The following MTUS1 variants were observed in gnomAD, a reference collection of about 807,000 sequenced individuals.
MTUS1 encodes the protein microtubule-associated tumor suppressor 1.
Under a neutral mutation model 120.8 loss-of-function variants are expected in MTUS1, and 109 were observed. The observed-to-expected ratio is 0.90, with a 90% CI of 0.77 to 1.06. The LOEUF (loss-of-function observed/expected upper bound fraction) is 1.06. MTUS1 is among the 50% of genes least tolerant of loss of function. MTUS1 has a pLI of 0.00. For synonymous variants in MTUS1, 737 were observed against 550.5 expected (o/e 1.34, Z -4.74); for missense variants, 2,210 against 1,486.3 (o/e 1.49, Z -8.01).
chr8:17,674,724 T>C, intron 8 of MTUS1: 2 of 995,568 alleles, frequency 2.0e-6, no homozygotes, highest in Non-Finnish European at 2.4e-6. Flanking sequence ...AGAACGTGCC[T>C]TTTTCAGCCA....
intron 1 of MTUS1, among the ~76,000 whole-genome samples, chr8:17,781,511 T>A (rs1242046781): frequency 1.3e-5 from 2 of 152,228 alleles, no homozygotes; most frequent in Non-Finnish European, 2.9e-5. Context: ...TGATTAATAT[T>A]AAACACAAGA....
chr8:17,797,937 C>T (rs531462823), intron 1 of MTUS1, among the ~76,000 whole-genome samples: 1 of 152,106 alleles, frequency 6.6e-6, no homozygotes, highest in East Asian at 1.9e-4. Context: ...CCCCGCCCCC[C>T]CAAATAAATA....
At chr8:17,653,574 T>G (rs190048401) in intron 10 of MTUS1, 76 bp from the exon 11 acceptor site, 1 of 1,040,856 alleles carries the variant, frequency 9.6e-7, no homozygotes, top group African/African-American at 1.6e-5. Flanking sequence ...TTAAAGCATA[T>G]AGATGTAGGG....
chr8:17,755,191 G>C lies in MTUS1; in HGVS notation c.617C>G (p.Ser206Cys), dbSNP rs886862412. 2 of 1,614,166 alleles carry C rather than the reference G, an allele frequency of 1.2e-6. No homozygotes were observed. Among genetic ancestry groups the C allele is most frequent in the South Asian group, 1.1e-5 (1 of 91,078 alleles). The stretch of plus-strand genomic sequence containing the variant: ...ATCAGAATGGGAAGATGTCCAAGTG[G>C]AATAGGATAAAGAAGATGTACTTCC... ...RSGSTSSLSY[S>C]TWTSSHSDKT... The change falls in exon 2 of 15, where the codon TCC becomes TGC. Residue 206 changes from serine (S) to cysteine (C), a missense_variant. Transcript: ENST00000693296.
intron 3 of MTUS1, among the ~76,000 whole-genome samples, chr8:17,741,502 T>C (rs914451014): frequency 6.6e-6 from 1 of 152,202 alleles, no homozygotes; most frequent in Admixed American, 6.5e-5. Context: ...ATAACTCAGT[T>C]ATCAAGCTCA....
rs374553410 is a variant in MTUS1 at position 17,721,598 on chromosome 8, C to T, written c.2449+2074G>A. ...CATACAAAATGCCCCCAAATACTAC[C>T]ATTACCATAAATTACAAGTTACAAA... On this transcript the variant is annotated intron_variant, in intron 4 of 14. Coordinates refer to ENST00000693296, the MANE Select transcript of MTUS1 (RefSeq NM_001363059.2). 1.3e-5 allele frequency: 17 copies of T among 1,273,996 alleles called. No individual in the cohort carries two copies. In the African/African-American group the frequency reaches 2.3e-4, roughly 17 times the overall value. 78.9% of individuals were successfully genotyped at this position (1,273,996 alleles called of 1,614,324 possible).
intron 2 of MTUS1, among the ~76,000 whole-genome samples, chr8:17,752,425 C>A (rs1275175469): frequency 6.6e-6 from 1 of 152,142 alleles, no homozygotes; most frequent in Non-Finnish European, 1.5e-5. Flanking sequence ...CTAAGTTTGA[C>A]TTCAAGATAA....
At chr8:17,720,406 T>C (rs1302414697) in intron 4 of MTUS1, among the ~76,000 whole-genome samples, 1 of 152,006 alleles carries the variant, frequency 6.6e-6, no homozygotes, top group East Asian at 1.9e-4. Context: ...AGTGCCCTTT[T>C]CTGCATGTTA....
At chr8:17,707,261 T>A (rs77515594) in intron 6 of MTUS1, among the ~76,000 whole-genome samples, 1,610 of 152,294 alleles carry the variant, frequency 0.011, 30 homozygotes, top group African/African-American at 0.037. Flanking sequence ...TCAAAGAGGT[T>A]CAATGATCCA....
At chr8:17,731,668 T>C (rs2046590586) in intron 3 of MTUS1, among the ~76,000 whole-genome samples, 1 of 151,652 alleles carries the variant, frequency 6.6e-6, no homozygotes. Flanking sequence ...GAAATCACCA[T>C]ATGCAAAATA....
intron 6 of MTUS1, among the ~76,000 whole-genome samples, chr8:17,687,606 T>C (rs967807995): frequency 6.6e-6 from 1 of 152,204 alleles, no homozygotes; most frequent in Non-Finnish European, 1.5e-5. Context: ...ATCAGAAACC[T>C]TAAAATTAAA....
chr8:17,644,380 T>C lies in MTUS1; in HGVS notation c.*1546A>G, dbSNP rs1268382492. ...AATCTCTTCTTACTACAGCTGTTAT[T>C]TGTACAGCCACTGAATGTAGATTAG... On this transcript the variant is annotated 3_prime_UTR_variant, in exon 15 of 15. Coordinates refer to ENST00000693296, the MANE Select transcript of MTUS1 (RefSeq NM_001363059.2). The C allele has an allele frequency of 1.3e-5, 2 of 152,650 alleles. No individual in the cohort carries two copies. The highest frequency in any genetic ancestry group is 2.9e-5 in the Non-Finnish European group (2 of 68,036). The allele number at this position is 152,650 out of a possible 1,614,324, so 9.5% of individuals were successfully genotyped here.
chr8:17,792,203 C>G (rs1046111007), intron 1 of MTUS1, among the ~76,000 whole-genome samples: 3 of 152,054 alleles, frequency 2.0e-5, no homozygotes, highest in Non-Finnish European at 4.4e-5. Context: ...TGAAATACCT[C>G]TATTTATTAT....
intron 3 of MTUS1, among the ~76,000 whole-genome samples, chr8:17,733,525 C>T (rs1164243784): frequency 6.6e-6 from 1 of 152,114 alleles, no homozygotes; most frequent in African/African-American, 2.4e-5. Flanking sequence ...ATTTAAAATG[C>T]TATACCTTTA....
chr8:17,721,774 A>G, intron 4 of MTUS1: 1 of 1,614,186 alleles, frequency 6.2e-7, no homozygotes, highest in Non-Finnish European at 8.5e-7. Context: ...TCCCACGACC[A>G]GCAGTGTCAA....
At chr8:17,694,440 C>T (rs970083968) in intron 6 of MTUS1, among the ~76,000 whole-genome samples, 4 of 151,978 alleles carry the variant, frequency 2.6e-5, no homozygotes, top group South Asian at 4.1e-4. Context: ...CTGAGGCAGG[C>T]GAATTGCCTG....
At chr8:17,713,558 G>C (rs1364464157) in intron 5 of MTUS1, among the ~76,000 whole-genome samples, 1 of 152,204 alleles carries the variant, frequency 6.6e-6, no homozygotes. Context: ...AGTTTTAACA[G>C]TACTGAATTC....
chr8:17,658,314 G>C (rs1040259980), intron 8 of MTUS1, among the ~76,000 whole-genome samples: 42 of 152,040 alleles, frequency 2.8e-4, no homozygotes, highest in African/African-American at 9.9e-4. Context: ...TTTTAAAAGG[G>C]CAAAGTAATC....
rs534750596 is a variant in MTUS1 at position 17,774,388 on chromosome 8, T to C, written c.-154-18427A>G. ...TGGCTAGTACCACCTCAGTCTCAAA[T>C]CAGAAGAGGATAAGGACTGGGGAAG... On this transcript the variant is annotated intron_variant, in intron 1 of 14. Transcript: ENST00000693296. Among the ~76,000 whole-genome samples the C allele has an allele frequency of 7.9e-5, 12 of 152,232 alleles. No homozygotes were observed. The South Asian group carries it at 2.3e-3, about 29-fold the overall frequency.
Sources: gnomAD v4.1 joint callset for allele counts (sites outside exome capture counted in the v4.1 genomes callset) on GRCh38, gnomAD v4.1.1 for gene constraint, MANE v1.5 for transcripts, NCBI Gene and HGNC (gene_info 2026-07-23, HGNC 2026-07-21) for gene names.